Variants in NINL observed in about 807,000 individuals in gnomAD.
NINL encodes the protein ninein like.
In NINL, 153 loss-of-function variants were observed where a neutral mutation model predicts 160.3. The observed-to-expected ratio is 0.95, with a 90% confidence interval of 0.84 to 1.09. NINL has a LOEUF of 1.09. Ranked by LOEUF, NINL falls within the 50% of genes least tolerant of loss-of-function variation. The pLI is 0.00. For synonymous variants in NINL, 800 were observed against 734.8 expected (o/e 1.09, Z -1.43); for missense variants, 1,829 against 1,764.0 (o/e 1.04, Z -0.66).
chr20:25,486,770 G>A (rs1001972551), intron 13 of NINL, among the ~76,000 whole-genome samples: 1 of 152,130 alleles, frequency 6.6e-6, no homozygotes, highest in Non-Finnish European at 1.5e-5. Context: ...AGCAACGTGC[G>A]GCAGGGACAA....
intron 1 of NINL, among the ~76,000 whole-genome samples, chr20:25,551,520 G>C (rs950670507): frequency 6.6e-6 from 1 of 152,162 alleles, no homozygotes; most frequent in Non-Finnish European, 1.5e-5. Flanking sequence ...ATTGAGCCAA[G>C]TCTGAGGACG....
At position 25,570,629 on chromosome 20, in the gene NINL, G is replaced by A. The variant is rs142206065; in HGVS notation, c.-12+14826C>T. 4.8e-3 allele frequency among the ~76,000 whole-genome samples: 712 copies of A among 147,054 alleles called. 9 individuals carry two copies. Among genetic ancestry groups the A allele is most frequent in the African/African-American group, 0.017 (674 of 39,002 alleles). ...TATTTCTTTATAGCAGTGCGAGAAC[G>A]AACTAATACAGATACTTTTTTTTTT... On this transcript the variant is annotated intron_variant, in intron 1 of 23. Coordinates refer to ENST00000278886, the MANE Select transcript of NINL (RefSeq NM_025176.6).
At chr20:25,471,181 T>C (rs534910651) in intron 17 of NINL, among the ~76,000 whole-genome samples, 11 of 152,026 alleles carry the variant, frequency 7.2e-5, no homozygotes, top group African/African-American at 2.4e-4. Flanking sequence ...GTGGTGGAGA[T>C]GGGGTCTCGA....
At chr20:25,525,991 T>C (rs958915869) in intron 2 of NINL, among the ~76,000 whole-genome samples, 2 of 152,228 alleles carry the variant, frequency 1.3e-5, no homozygotes, top group African/African-American at 4.8e-5. Flanking sequence ...AACTCCTAGA[T>C]GGACTTCAAA....
In NINL at chr20:25,476,872, C is replaced by T. The variant is rs1323483419; in HGVS notation, c.2419G>A (p.Glu807Lys). ...TTCCCGCGGGCAAGCTCCAACTCCTCCTCCTCGAGGGCCAACGATACGCAC... is the reference window on the plus strand; with the variant it reads ...TTCCCGCGGGCAAGCTCCAACTCCTTCTCCTCGAGGGCCAACGATACGCAC... Reference protein sequence around the residue: ...QMCVSLALEEEELELARGKRV... With the variant: ...QMCVSLALEEKELELARGKRV... The change falls in exon 17 of 24, where the codon GAG becomes AAG. Residue 807 changes from glutamate to lysine, a missense_variant. Physicochemically the swap from Glu to Lys is moderately conservative, Grantham distance 56. Transcript: ENST00000278886. 6.2e-7 allele frequency: 1 copy of T among 1,613,404 alleles called. No homozygotes were observed. Among genetic ancestry groups the T allele is most frequent in the Non-Finnish European group, 8.5e-7 (1 of 1,179,912 alleles).
chr20:25,558,481 G>A (rs2064895993), intron 1 of NINL, among the ~76,000 whole-genome samples: 1 of 152,180 alleles, frequency 6.6e-6, no homozygotes, highest in African/African-American at 2.4e-5. Flanking sequence ...GTGCAGGCAT[G>A]AGCCTGCCCA....
chr20:25,477,102 A>C lies in NINL; in HGVS notation c.2202-13T>G. 6.3e-7 allele frequency: 1 copy of C among 1,582,020 alleles called. No individual in the cohort carries two copies. The highest frequency in any genetic ancestry group is 1.1e-5 in the South Asian group (1 of 87,632). On this transcript the variant is annotated splice_polypyrimidine_tract_variant and intron_variant, in intron 16 of 23. Coordinates refer to ENST00000278886, the MANE Select transcript of NINL (RefSeq NM_025176.6). ...CTCAGCCTCTCTCCTGTGGAAGTAG[A>C]ACCGTCACACACCACAGCCCTGCCG...
chr20:25,455,963 G>GCACA (rs2090664070), intron 22 of NINL, among the ~76,000 whole-genome samples, 177 bp from the exon 23 acceptor site: 1 of 152,112 alleles, frequency 6.6e-6, no homozygotes, highest in African/African-American at 2.4e-5. Context: ...GTGTGTGGTG[G>GCACA]TGCGTACCTG....
rs2063763971 is a variant in NINL, at chr20:25,496,761, C to A, written c.1212G>T (p.Arg404Ser). The A allele has an allele frequency of 6.2e-7, 1 of 1,613,966 alleles. No homozygotes were observed. The highest frequency in any genetic ancestry group is 1.3e-5 in the African/African-American group (1 of 74,930). Residue 404 changes from arginine (R) to serine (S), a missense_variant, in exon 10 of 24, where the codon AGG becomes AGT. By Grantham distance (110) the Arg-to-Ser change is moderately radical. Coordinates refer to ENST00000278886, the MANE Select transcript of NINL (RefSeq NM_025176.6). ...EQLARERDKA[R>S]QDLERAEKRN... ...TCTTCTCGGCCCTCTCCAGGTCCTG[C>A]CTTGCCTTGTCACGCTCCCTTGCCA...
intron 1 of NINL, among the ~76,000 whole-genome samples, chr20:25,569,185 G>A (rs921476720): frequency 4.8e-5 from 7 of 146,764 alleles, no homozygotes; most frequent in Non-Finnish European, 8.9e-5. Flanking sequence ...CCAGGATAGC[G>A]CCACTACACT....
chr20:25,519,013 C>T (rs1296723346), intron 2 of NINL, among the ~76,000 whole-genome samples: 1 of 148,968 alleles, frequency 6.7e-6, no homozygotes, highest in African/African-American at 2.5e-5. Context: ...AGAAGAATCA[C>T]TTGAACCCAG....
At chr20:25,525,057 C>T (rs2064333159) in intron 2 of NINL, among the ~76,000 whole-genome samples, 1 of 152,036 alleles carries the variant, frequency 6.6e-6, no homozygotes, top group South Asian at 2.1e-4. Context: ...CAGGTGATAT[C>T]AAGAGAGGCT....
intron 1 of NINL, among the ~76,000 whole-genome samples, chr20:25,564,135 CT>C (rs201523304): frequency 0.14 from 19,748 of 138,606 alleles, 1,919 homozygotes; most frequent in East Asian, 0.57. Flanking sequence ...GCTGAGGTGG[CT>C]TTTTTTTTTT....
chr20:25,580,303 C>T (rs992750715), intron 1 of NINL, among the ~76,000 whole-genome samples: 1 of 151,566 alleles, frequency 6.6e-6, no homozygotes, highest in Admixed American at 6.6e-5. Context: ...CATGGCACTC[C>T]AGCCTGGGCA....
intron 1 of NINL, among the ~76,000 whole-genome samples, chr20:25,577,779 C>T (rs1035133644): frequency 6.6e-6 from 1 of 152,004 alleles, no homozygotes; most frequent in Non-Finnish European, 1.5e-5. Context: ...TCGGGGCTTA[C>T]TACTGTCCTA....
At chr20:25,481,087 T>C (rs1172419262) in intron 14 of NINL, among the ~76,000 whole-genome samples, 2 of 152,118 alleles carry the variant, frequency 1.3e-5, no homozygotes, top group Non-Finnish European at 2.9e-5. Flanking sequence ...GGCTCCCCTA[T>C]GAGGTTCCCA....
intron 1 of NINL, among the ~76,000 whole-genome samples, chr20:25,548,701 C>T (rs527535846): frequency 2.7e-5 from 4 of 148,626 alleles, no homozygotes; most frequent in South Asian, 2.2e-4. Context: ...CAGCCCCACC[C>T]GGGGCTGACC....
At chr20:25,524,948 A>T (rs1015951906) in intron 2 of NINL, among the ~76,000 whole-genome samples, 70 of 144,892 alleles carry the variant, frequency 4.8e-4, no homozygotes, top group African/African-American at 1.2e-3. Flanking sequence ...TATATATATA[A>T]ATAAATAAAC....
intron 1 of NINL, among the ~76,000 whole-genome samples, chr20:25,561,116 C>T (rs367684247): frequency 6.6e-6 from 1 of 150,702 alleles, no homozygotes; most frequent in Non-Finnish European, 1.5e-5. Context: ...GCTGCCATCT[C>T]GGCTCACTGC....
Sources: allele counts gnomAD v4.1 joint callset (sites outside exome capture counted in the v4.1 genomes callset), GRCh38; gene constraint gnomAD v4.1.1; transcripts MANE v1.5; gene names NCBI Gene and HGNC (gene_info 2026-07-23, HGNC 2026-07-21).